The following ROBO1 variants were observed in gnomAD, a reference collection of about 807,000 sequenced individuals.
ROBO1 encodes roundabout guidance receptor 1.
ROBO1 carries 149 observed loss-of-function variants against 195.9 expected under a neutral mutation model. The observed-to-expected ratio is 0.76, with a 90% confidence interval of 0.67 to 0.87. ROBO1 has a LOEUF of 0.87. Among genes scored for constraint, ROBO1 ranks in the 40% least tolerant of loss-of-function variants. ROBO1 has a pLI of 0.00. For synonymous variants in ROBO1, 816 were observed against 733.2 expected, an observed-to-expected ratio of 1.11 and a Z score of -1.82; for missense variants, 1,933 against 2,068.3, an observed-to-expected ratio of 0.93 and a Z score of 1.27.
chr3:79,119,291 C>A (rs532527802), intron 3 of ROBO1, among the ~76,000 whole-genome samples: 1 of 152,290 alleles, frequency 6.6e-6, no homozygotes, highest in East Asian at 1.9e-4. Context: ...CCACTTGAAG[C>A]TCCCATGTCC....
chr3:79,155,678 G>A (rs1159033913), intron 2 of ROBO1, among the ~76,000 whole-genome samples: 1 of 151,608 alleles, frequency 6.6e-6, no homozygotes, highest in African/African-American at 2.4e-5. Context: ...TAAAAGGCAG[G>A]TCCAGACATT....
Position 78,597,790 on chromosome 3 carries a change from A to ACTT in ROBO1, c.*1120_*1122dup, listed in dbSNP as rs1247999662. On this transcript the variant is annotated 3_prime_UTR_variant, in exon 31 of 31. Transcript: ENST00000464233. Reference sequence around the variant, plus strand: ...TGGCCCACAATAAAGTATGCATGTTACTTCACCATCTGTCATTATTCAAAT... The same window carrying ACTT: ...TGGCCCACAATAAAGTATGCATGTTACTTCTTCACCATCTGTCATTATTCAAAT... The ACTT allele has an allele frequency of 6.6e-6, 1 of 152,546 alleles. No homozygotes were observed. The highest frequency in any genetic ancestry group is 1.5e-5 in the Non-Finnish European group (1 of 68,004). The allele number at this position is 152,546 out of a possible 1,614,324, so 9.4% of individuals were successfully genotyped here. A position where few individuals can be genotyped will look rare whatever the true frequency, so the allele number is the denominator to read the frequency against.
intron 3 of ROBO1, among the ~76,000 whole-genome samples, chr3:79,055,189 T>C (rs1343787988): frequency 2.0e-5 from 3 of 152,114 alleles, no homozygotes; most frequent in African/African-American, 7.2e-5. Context: ...ACTGATGAGA[T>C]TAAATTAATC....
chr3:79,509,911 C>G (rs1559953067), intron 2 of ROBO1, among the ~76,000 whole-genome samples: 1 of 151,952 alleles, frequency 6.6e-6, no homozygotes, highest in African/African-American at 2.4e-5. Flanking sequence ...TAATATTACT[C>G]TTCCCAGTCA....
chr3:79,730,768 C>CTTTTTTTTTT (rs66527491), intron 1 of ROBO1, among the ~76,000 whole-genome samples: 2 of 95,520 alleles, frequency 2.1e-5, no homozygotes, highest in Non-Finnish European at 4.1e-5. Context: ...CCTGTATTTC[C>CTTTTTTTTTT]TTTTTTTTTT....
intron 1 of ROBO1, among the ~76,000 whole-genome samples, chr3:79,662,989 C>T (rs190921374): frequency 4.8e-4 from 73 of 152,076 alleles, no homozygotes; most frequent in African/African-American, 1.8e-3. Context: ...CTGCTAGGCA[C>T]ACACAAAGAA....
intron 14 of ROBO1, among the ~76,000 whole-genome samples, chr3:78,662,783 G>A (rs928630849): frequency 5.3e-5 from 8 of 152,128 alleles, no homozygotes; most frequent in Non-Finnish European, 1.2e-4. Context: ...TTGTATCATA[G>A]TAAAGAAGGT....
chr3:79,442,408 T>A (rs1481463288), intron 2 of ROBO1, among the ~76,000 whole-genome samples: 1 of 152,212 alleles, frequency 6.6e-6, no homozygotes, highest in Admixed American at 6.5e-5. Context: ...CCATAGTATC[T>A]GTTTTCCATT....
intron 2 of ROBO1, among the ~76,000 whole-genome samples, chr3:79,381,052 T>C (rs1240482687): frequency 2.0e-5 from 3 of 152,054 alleles, no homozygotes; most frequent in East Asian, 1.9e-4. Flanking sequence ...AAGATGACTC[T>C]AGACTTTGGT....
At chr3:79,037,643 A>G (rs192391261) in intron 3 of ROBO1, among the ~76,000 whole-genome samples, 1 of 152,334 alleles carries the variant, frequency 6.6e-6, no homozygotes, top group Admixed American at 6.5e-5. Flanking sequence ...CTTAATGTGC[A>G]AAAGTGTGTG....
intron 1 of ROBO1, among the ~76,000 whole-genome samples, chr3:79,691,655 A>AT (rs911315949): frequency 3.3e-5 from 5 of 151,602 alleles, no homozygotes; most frequent in African/African-American, 9.7e-5. Context: ...GTATTTGGGA[A>AT]TTTTTTTTAT....
chr3:79,513,753 G>A (rs1168758650), intron 2 of ROBO1, among the ~76,000 whole-genome samples: 1 of 152,084 alleles, frequency 6.6e-6, no homozygotes, highest in South Asian at 2.1e-4. Flanking sequence ...ACTATTGTGT[G>A]ATTTGTTGAT....
At chr3:78,829,179 T>C (rs937076979) in intron 4 of ROBO1, among the ~76,000 whole-genome samples, 3 of 152,144 alleles carry the variant, frequency 2.0e-5, no homozygotes, top group East Asian at 3.9e-4. Context: ...TGTAATTACA[T>C]TGTCTAATTT....
intron 3 of ROBO1, among the ~76,000 whole-genome samples, chr3:79,005,501 A>T (rs1439357125): frequency 2.6e-5 from 4 of 152,186 alleles, no homozygotes; most frequent in African/African-American, 9.6e-5. Context: ...TTTTTCTTAA[A>T]TTTTGCAAAA....
chr3:79,591,248 GA>G (rs1943992129), intron 1 of ROBO1, among the ~76,000 whole-genome samples: 4 of 151,502 alleles, frequency 2.6e-5, no homozygotes, highest in East Asian at 1.9e-4. Context: ...ATAACAAATT[GA>G]AAAAAAGGTT....
intron 1 of ROBO1, among the ~76,000 whole-genome samples, chr3:79,608,830 C>T (rs994692252): frequency 4.6e-5 from 7 of 151,898 alleles, no homozygotes; most frequent in Admixed American, 2.0e-4. Context: ...TTTGAATGTT[C>T]GTGTCCTCTC....
intron 2 of ROBO1, among the ~76,000 whole-genome samples, chr3:79,179,543 A>G (rs2081307419): frequency 1.3e-5 from 2 of 152,200 alleles, no homozygotes; most frequent in Admixed American, 6.5e-5. Flanking sequence ...TTATTTTTAG[A>G]CTTTCTTAAA....
chr3:78,629,679 A>ACCAAACCAAT (rs1388625770), intron 25 of ROBO1, among the ~76,000 whole-genome samples: 1 of 151,532 alleles, frequency 6.6e-6, no homozygotes, highest in East Asian at 1.9e-4. Context: ...ACCAAACCAA[A>ACCAAACCAAT]CCAAACCAAA....
At chr3:78,774,411 C>T (rs912614515) in intron 4 of ROBO1, among the ~76,000 whole-genome samples, 79 of 151,792 alleles carry the variant, frequency 5.2e-4, no homozygotes, top group Non-Finnish European at 2.2e-4. Flanking sequence ...CCTGGGTTCA[C>T]GCCATTCTCC....
Sources: gnomAD v4.1 joint callset for allele counts (sites outside exome capture counted in the v4.1 genomes callset) on GRCh38, gnomAD v4.1.1 for gene constraint, MANE v1.5 for transcripts, NCBI Gene and HGNC (gene_info 2026-07-23, HGNC 2026-07-21) for gene names.